The following SHISA9 variants were observed in gnomAD, a reference collection of about 807,000 sequenced individuals.
SHISA9 encodes the protein protein shisa-9.
Under a neutral mutation model 38.0 loss-of-function variants are expected in SHISA9, and 13 were observed. That is an observed-to-expected ratio of 0.34 (90% CI 0.22 to 0.54). The LOEUF (loss-of-function observed/expected upper bound fraction) is 0.54. Among genes scored for constraint, SHISA9 ranks in the 20% least tolerant of loss-of-function variants. The pLI is 0.91. For synonymous variants in SHISA9, 275 were observed against 242.0 expected, an observed-to-expected ratio of 1.14 and a Z score of -1.27; for missense variants, 538 against 575.8, an observed-to-expected ratio of 0.93 and a Z score of 0.67.
chr16:13,523,273 C>T, the SHISA9 span, among the ~76,000 whole-genome samples: 3 of 152,114 alleles, frequency 2.0e-5, no homozygotes, highest in Non-Finnish European at 4.4e-5. Flanking sequence ...TCACTTGAAC[C>T]AGGGAGGTGG....
chr16:13,554,390 C>T, the SHISA9 span, among the ~76,000 whole-genome samples: 21 of 150,470 alleles, frequency 1.4e-4, no homozygotes, highest in Non-Finnish European at 2.7e-4. Flanking sequence ...TGCTACAAGT[C>T]TGGTATTTAT....
the SHISA9 span, among the ~76,000 whole-genome samples, chr16:13,400,263 A>C: frequency 0.64 from 97,817 of 151,852 alleles, 31,818 homozygotes; most frequent in East Asian, 0.79. Context: ...TCCCAGTGTG[A>C]CCCAGAAAAT....
chr16:13,383,481 G>A, the SHISA9 span, among the ~76,000 whole-genome samples: 1 of 152,206 alleles, frequency 6.6e-6, no homozygotes, highest in Non-Finnish European at 1.5e-5. Flanking sequence ...AAAGACAAAT[G>A]AGTGCTTATA....
intron 2 of SHISA9, among the ~76,000 whole-genome samples, chr16:13,076,292 A>T (rs894417952): frequency 1.3e-5 from 2 of 152,174 alleles, no homozygotes; most frequent in African/African-American, 4.8e-5. Flanking sequence ...CAGCCTCCCA[A>T]AATGCTGGGA....
chr16:13,141,203 C>T (rs999866607), intron 2 of SHISA9, among the ~76,000 whole-genome samples: 1 of 152,086 alleles, frequency 6.6e-6, no homozygotes, highest in African/African-American at 2.4e-5. Flanking sequence ...TTATTTCCTT[C>T]CAGTCTTTTT....
chr16:12,937,015 C>G (rs1031197643), intron 2 of SHISA9, among the ~76,000 whole-genome samples: 10 of 152,080 alleles, frequency 6.6e-5, no homozygotes, highest in Non-Finnish European at 1.5e-4. Flanking sequence ...AGGATATCCC[C>G]CAAGTAATTT....
At chr16:13,465,456 A>G in the SHISA9 span, among the ~76,000 whole-genome samples, 2 of 152,226 alleles carry the variant, frequency 1.3e-5, no homozygotes, top group African/African-American at 4.8e-5. Context: ...CATGGATTTG[A>G]AAAGATATCA....
chr16:13,036,865 C>T (rs184727483), intron 2 of SHISA9, among the ~76,000 whole-genome samples: 4 of 152,154 alleles, frequency 2.6e-5, no homozygotes, highest in Non-Finnish European at 4.4e-5. Context: ...CACTCAAATG[C>T]AGCTCAAAAA....
At chr16:13,118,588 T>C (rs4553616) in intron 2 of SHISA9, among the ~76,000 whole-genome samples, 7,354 of 152,144 alleles carry the variant, frequency 0.048, 274 homozygotes, top group East Asian at 0.17. Flanking sequence ...TTTGAGTAAG[T>C]GAGTCTGGGG....
chr16:13,143,819 C>G (rs2050423577), intron 2 of SHISA9, among the ~76,000 whole-genome samples: 1 of 152,208 alleles, frequency 6.6e-6, no homozygotes, highest in African/African-American at 2.4e-5. Flanking sequence ...GCTCACATCT[C>G]TTCCCAAATC....
chr16:13,168,036 C>G (rs2050652931), intron 2 of SHISA9, among the ~76,000 whole-genome samples: 1 of 152,186 alleles, frequency 6.6e-6, no homozygotes. Context: ...GTGCTTGATG[C>G]TTTGATGTCT....
rs549952645 is a variant in SHISA9, at chr16:13,060,176, AATGCGCCCCG to A, written c.692-143214_692-143205del. On this transcript the variant is annotated intron_variant, in intron 2 of 4. Coordinates refer to ENST00000558583, the MANE Select transcript of SHISA9 (RefSeq NM_001145204.3). ...AGGTGCCGGTTTCCTCTGTTCTCTC[AATGCGCCCCG>A]ATGTGCCACATTATTGAAGCTGGAG... Among the ~76,000 whole-genome samples the A allele has an allele frequency of 1.4e-4, 22 of 152,232 alleles. No individual in the cohort carries two copies. In the East Asian group the frequency reaches 3.9e-3, roughly 27 times the overall value.
At chr16:13,475,136 G>C in the SHISA9 span, among the ~76,000 whole-genome samples, 1 of 152,110 alleles carries the variant, frequency 6.6e-6, no homozygotes, top group African/African-American at 2.4e-5. Flanking sequence ...AAAGGACTTG[G>C]CTGGGATGGA....
the SHISA9 span, among the ~76,000 whole-genome samples, chr16:13,518,092 C>A: frequency 1.3e-5 from 2 of 152,152 alleles, no homozygotes; most frequent in South Asian, 4.1e-4. Flanking sequence ...TATGTCTCTC[C>A]CTGCTTCTCC....
chr16:13,434,419 G>GTTTTTTCTTTTTTT, the SHISA9 span, among the ~76,000 whole-genome samples: 3 of 64,566 alleles, frequency 4.6e-5, no homozygotes, highest in African/African-American at 1.6e-4. Context: ...GACAAGCTAT[G>GTTTTTTCTTTTTTT]TTTTTTTTTT....
At chr16:13,501,774 G>A in the SHISA9 span, among the ~76,000 whole-genome samples, 1 of 152,056 alleles carries the variant, frequency 6.6e-6, no homozygotes, top group Non-Finnish European at 1.5e-5. Flanking sequence ...AGGCGAGGAG[G>A]GTGGATCACC....
At chr16:13,421,134 T>C in the SHISA9 span, among the ~76,000 whole-genome samples, 1 of 152,202 alleles carries the variant, frequency 6.6e-6, no homozygotes, top group African/African-American at 2.4e-5. Flanking sequence ...AAAATCTTCA[T>C]CCCTCAGGCC....
chr16:13,447,756 C>CA, the SHISA9 span, among the ~76,000 whole-genome samples: 3 of 152,190 alleles, frequency 2.0e-5, no homozygotes, highest in African/African-American at 7.2e-5. Flanking sequence ...TGCATACACA[C>CA]AAAAAACTCT....
the SHISA9 span, among the ~76,000 whole-genome samples, chr16:13,259,740 A>C: frequency 6.6e-6 from 1 of 152,178 alleles, no homozygotes; most frequent in East Asian, 1.9e-4. Flanking sequence ...GGCCCCATTC[A>C]GCCATGGCTG....
Sources: allele counts gnomAD v4.1 joint callset (sites outside exome capture counted in the v4.1 genomes callset), GRCh38; gene constraint gnomAD v4.1.1; transcripts MANE v1.5; gene names NCBI Gene and HGNC (gene_info 2026-07-23, HGNC 2026-07-21).